TMEM126B: variants seen among roughly 807,000 people sequenced by gnomAD.
TMEM126B encodes the protein transmembrane protein 126B, also known as complex I assembly factor TMEM126B, mitochondrial.
In TMEM126B, 19 loss-of-function variants were observed where a neutral mutation model predicts 16.5. That is an observed-to-expected ratio of 1.15 (90% CI 0.80 to 1.69). TMEM126B has a LOEUF of 1.69. TMEM126B is among the 40% of genes most tolerant of loss of function. The probability of loss-of-function intolerance (pLI) is 0.00; values close to 1 mark genes in which losing one functional copy is unlikely to be tolerated. For synonymous variants in TMEM126B, 104 were observed against 93.2 expected (o/e 1.12, Z -0.67); for missense variants, 293 against 278.7 (o/e 1.05, Z -0.37).
chr11:85,635,850 A>C, intron 4 of TMEM126B, 72 bp downstream of exon 4: 2 of 1,102,252 alleles, frequency 1.8e-6, no homozygotes, highest in South Asian at 1.7e-5. Flanking sequence ...AGGTTAATAA[A>C]CTCTCTTTCT....
chr11:85,631,268 C>A, intron 1 of TMEM126B: 2 of 1,276,356 alleles, frequency 1.6e-6, no homozygotes, highest in Non-Finnish European at 2.0e-6. Flanking sequence ...CTACAAAGAG[C>A]CTGACTGCCT....
At position 85,631,826 on chromosome 11, in the gene TMEM126B, G is replaced by A; in HGVS notation, c.203+18G>A. The A allele has an allele frequency of 6.3e-7, 1 of 1,581,988 alleles. No homozygotes were observed. The highest frequency in any genetic ancestry group is 8.5e-7 in the Non-Finnish European group (1 of 1,171,536). On this transcript the variant is annotated intron_variant, in intron 2 of 4. Coordinates refer to ENST00000358867, the MANE Select transcript of TMEM126B (RefSeq NM_018480.7). ...AAAGAAATGTAAGAGAAATGCCCAG[G>A]CTGAAAATCAGTCATTTTATTTGCA... is the stretch of plus-strand genomic sequence containing the variant.
chr11:85,631,932 G>C lies in TMEM126B; in HGVS notation c.203+124G>C, dbSNP rs370857212. ...ATCTAAGATCCTATTCTTTGAGTTG[G>C]CTATGAAGAACACATCTTTAAAAAA... On this transcript the variant is annotated intron_variant, in intron 2 of 4. Transcript: ENST00000358867. The C allele has an allele frequency of 1.0e-3, 1,035 of 990,626 alleles. 15 individuals are homozygous for C. In the South Asian group the frequency reaches 0.017, roughly 16 times the overall value. The allele number at this position is 990,626 out of a possible 1,614,324, so 61.4% of individuals were successfully genotyped here. A position where few individuals can be genotyped will look rare whatever the true frequency, so the allele number is the denominator to read the frequency against.
chr11:85,629,602 T>C (rs1419613562), intron 1 of TMEM126B, among the ~76,000 whole-genome samples: 1 of 152,224 alleles, frequency 6.6e-6, no homozygotes, highest in African/African-American at 2.4e-5. Context: ...AGATATTGCC[T>C]GGAAGTTTGT....
At position 85,636,044 on chromosome 11, in the gene TMEM126B, A is replaced by C; in HGVS notation, c.510-2A>C. On this transcript the variant is annotated splice_acceptor_variant, in intron 4 of 4. Coordinates refer to ENST00000358867, the MANE Select transcript of TMEM126B (RefSeq NM_018480.7). LOFTEE classifies it high-confidence loss of function. ...AGGTGATTAACTCTTTTTTCTTTTT[A>C]GGTATCATACCGTTCCACTGCCACC... The C allele has an allele frequency of 6.4e-7, 1 of 1,568,362 alleles. No individual in the cohort carries two copies. Among genetic ancestry groups the C allele is most frequent in the African/African-American group, 1.4e-5 (1 of 72,554 alleles).
intron 2 of TMEM126B, among the ~76,000 whole-genome samples, chr11:85,633,172 T>C (rs1423331535): frequency 2.6e-5 from 4 of 152,342 alleles, no homozygotes; most frequent in African/African-American, 7.2e-5. Context: ...ATGGTGTATA[T>C]GTGCCACATT....
chr11:85,634,105 A>G lies in TMEM126B; in HGVS notation c.223A>G (p.Met75Val). ...TATTAGGACACAAAATATATATCAA[A>G]TGGCGACATTTGGAACAACAGCTGG... Reference protein sequence around the residue: ...RKEMTQNIYQMATFGTTAGFS... With the variant: ...RKEMTQNIYQVATFGTTAGFS... The change falls in exon 3 of 5, where the codon ATG becomes GTG. Residue 75 changes from methionine (M) to valine (V), a missense_variant. By Grantham distance (21) the Met-to-Val change is conservative. Transcript: ENST00000358867. The G allele has an allele frequency of 1.9e-6, 3 of 1,613,216 alleles. 1 individual carries two copies. The South Asian group carries it at 3.3e-5, about 18-fold the overall frequency.
At chr11:85,632,959 C>A (rs890419932) in intron 2 of TMEM126B, among the ~76,000 whole-genome samples, 1 of 152,128 alleles carries the variant, frequency 6.6e-6, no homozygotes, top group African/African-American at 2.4e-5. Flanking sequence ...CCTCTCCTCC[C>A]ACCCCACAAC....
chr11:85,632,102 A>G (rs1255119850), intron 2 of TMEM126B, among the ~76,000 whole-genome samples: 8 of 152,250 alleles, frequency 5.3e-5, no homozygotes, highest in African/African-American at 1.9e-4. Context: ...AAAAGTAATT[A>G]GGAGAAAACC....
rs1565794968 is a variant in TMEM126B, at chr11:85,636,355, A to G, written c.*126A>G. The G allele has an allele frequency of 1.7e-6, 1 of 583,702 alleles. No homozygotes were observed. Among genetic ancestry groups the G allele is most frequent in the Non-Finnish European group, 2.7e-6 (1 of 367,626 alleles). The allele number at this position is 583,702 out of a possible 1,614,324, so 36.2% of individuals were successfully genotyped here. A position where few individuals can be genotyped will look rare whatever the true frequency, so the allele number is the denominator to read the frequency against. On this transcript the variant is annotated 3_prime_UTR_variant, in exon 5 of 5. Coordinates refer to ENST00000358867, the MANE Select transcript of TMEM126B (RefSeq NM_018480.7). ...GTTCTGTGCCTTTTGCCTGGTATAT[A>G]GCAAATACTCAAAAAGTATTCAATA...
At position 85,631,791 on chromosome 11, in the gene TMEM126B, C is replaced by G; in HGVS notation, c.186C>G (p.Asp62Glu). ...MVIEIIEKNF[D>E]YLRKEMTQNI... Reference sequence around the variant, plus strand: ...TAGAAATCATAGAAAAAAATTTTGACTATCTTAGAAAAGAAATGTAAGAGA... The same window carrying G: ...TAGAAATCATAGAAAAAAATTTTGAGTATCTTAGAAAAGAAATGTAAGAGA... Residue 62 changes from aspartate to glutamate, a missense_variant, in exon 2 of 5, where the codon GAC (aspartate) becomes GAG (glutamate). Asp to Glu is a conservative substitution (Grantham distance 45, BLOSUM62 2). Transcript: ENST00000358867. 1 of 1,607,944 alleles carries G rather than the reference C, an allele frequency of 6.2e-7. No individual in the cohort carries two copies. The highest frequency in any genetic ancestry group is 8.5e-7 in the Non-Finnish European group (1 of 1,178,470).
rs185643017 is a variant in TMEM126B, at chr11:85,632,237, A to G, written c.203+429A>G. 4.0e-3 allele frequency among the ~76,000 whole-genome samples: 613 copies of G among 152,230 alleles called. 1 individual carries two copies. The highest frequency in any genetic ancestry group is 4.8e-3 in the Non-Finnish European group (325 of 67,996). ...TTTCATGGTATAAATATAGTCTCAC[A>G]TTAACATATTGACTTTTTTTTTTGA... is the stretch of plus-strand genomic sequence containing the variant. On this transcript the variant is annotated intron_variant, in intron 2 of 4. Coordinates refer to ENST00000358867, the MANE Select transcript of TMEM126B (RefSeq NM_018480.7).
Position 85,635,677 on chromosome 11 carries a change from C to T in TMEM126B, c.408C>T (p.Ser136=). 6.2e-7 allele frequency: 1 copy of T among 1,604,548 alleles called. No homozygotes were observed. The highest frequency in any genetic ancestry group is 1.1e-5 in the South Asian group (1 of 88,606). The change falls in exon 4 of 5, where the codon AGC becomes AGT. Residue 136 remains serine, a synonymous_variant. Coordinates refer to ENST00000358867, the MANE Select transcript of TMEM126B (RefSeq NM_018480.7). Reference sequence around the variant, plus strand: ...ACTTTTGTTTTCCAGATAATATAAGCAAGGAAAACTGTGTTTTCAGAAGCT... The same window carrying T: ...ACTTTTGTTTTCCAGATAATATAAGTAAGGAAAACTGTGTTTTCAGAAGCT... ...VIDALYSDNI[S]KENCVFRSSL...
At chr11:85,634,338 C>A in intron 3 of TMEM126B, 59 bp downstream of exon 3, 1 of 1,253,116 alleles carries the variant, frequency 8.0e-7, no homozygotes, top group Non-Finnish European at 1.1e-6. Context: ...TACTTATTAA[C>A]ATATACTGTT....
In TMEM126B at chr11:85,634,294, A is replaced by G; in HGVS notation, c.397+15A>G. The G allele has an allele frequency of 6.3e-7, 1 of 1,584,030 alleles. No homozygotes were observed. The highest frequency in any genetic ancestry group is 8.6e-7 in the Non-Finnish European group (1 of 1,163,300). Reference sequence around the variant, plus strand: ...TTTGTATTCAGGTGAATTTAAATTCACTAATGTATAACGTAGTTATGTCTA... The same window carrying G: ...TTTGTATTCAGGTGAATTTAAATTCGCTAATGTATAACGTAGTTATGTCTA... On this transcript the variant is annotated intron_variant, in intron 3 of 4. Transcript: ENST00000358867.
intron 2 of TMEM126B, among the ~76,000 whole-genome samples, chr11:85,632,019 A>T (rs536791394): frequency 6.6e-6 from 1 of 152,200 alleles, no homozygotes; most frequent in South Asian, 2.1e-4. Flanking sequence ...CGGATTGTGG[A>T]TAATTTCTTT....
intron 1 of TMEM126B, chr11:85,631,213 G>A: frequency 1.6e-6 from 2 of 1,290,060 alleles, no homozygotes; most frequent in Non-Finnish European, 1.0e-6. Context: ...ATGTCAATAA[G>A]CAGCCACTGT....
At chr11:85,634,439 C>A (rs1418405674) in intron 3 of TMEM126B, 160 bp downstream of exon 3, 9 of 572,198 alleles carry the variant, frequency 1.6e-5, no homozygotes, top group Non-Finnish European at 2.1e-5. Context: ...CTGCAACAAT[C>A]CTCCTAATCA....
In TMEM126B at chr11:85,636,069, C is replaced by CA. The variant is rs1181792691; in HGVS notation, c.537dup (p.Gly180ArgfsTer41). On this transcript the variant is annotated frameshift_variant, in exon 5 of 5. Coordinates refer to ENST00000358867, the MANE Select transcript of TMEM126B (RefSeq NM_018480.7). LOFTEE classifies it low-confidence loss of function (END_TRUNC). ...AGGTATCATACCGTTCCACTGCCAC[C>CA]AAAAGGAAGGGTTTTAATCCATTGG... 10 of 1,599,872 alleles carry CA rather than the reference C, an allele frequency of 6.3e-6. No individual in the cohort carries two copies. Among genetic ancestry groups the CA allele is most frequent in the Non-Finnish European group, 8.5e-6 (10 of 1,175,694 alleles).
Sources: allele counts gnomAD v4.1 joint callset (sites outside exome capture counted in the v4.1 genomes callset), GRCh38; gene constraint gnomAD v4.1.1; transcripts MANE v1.5; gene names NCBI Gene and HGNC (gene_info 2026-07-23, HGNC 2026-07-21).